The following RSRC1 variants were observed in gnomAD, a reference collection of about 807,000 sequenced individuals.
RSRC1 encodes the protein serine/Arginine-related protein 53.
Under a neutral mutation model 49.1 loss-of-function variants are expected in RSRC1, and 39 were observed. The observed-to-expected ratio is 0.79, with a 90% CI of 0.61 to 1.04. The LOEUF is 1.04. RSRC1 is among the 50% of genes least tolerant of loss of function. RSRC1 has a pLI of 0.00. For missense variants in RSRC1, 388 were observed against 402.4 expected (o/e 0.96, Z 0.31); for synonymous variants, 143 against 130.8 (o/e 1.09, Z -0.63).
chr3:158,375,932 T>C (rs1732332885), intron 6 of RSRC1, among the ~76,000 whole-genome samples: 1 of 152,198 alleles, frequency 6.6e-6, no homozygotes, highest in Non-Finnish European at 1.5e-5. Context: ...GTTCTTTCTT[T>C]AGCCATGGAT....
At chr3:158,485,143 C>T (rs1389662575) in intron 7 of RSRC1, among the ~76,000 whole-genome samples, 2 of 151,910 alleles carry the variant, frequency 1.3e-5, no homozygotes, top group Non-Finnish European at 2.9e-5. Flanking sequence ...TAATTATTTT[C>T]TCCTGGTAAC....
intron 4 of RSRC1, among the ~76,000 whole-genome samples, chr3:158,204,360 A>T (rs937984905): frequency 2.0e-5 from 3 of 152,186 alleles, no homozygotes; most frequent in Non-Finnish European, 4.4e-5. Flanking sequence ...ACATATTATT[A>T]TGTGACTTTT....
chr3:158,356,846 T>A (rs560980433), intron 6 of RSRC1, among the ~76,000 whole-genome samples: 22 of 152,278 alleles, frequency 1.4e-4, no homozygotes, highest in Admixed American at 5.2e-4. Context: ...TTCAGTTTTT[T>A]AAAAATATTT....
intron 6 of RSRC1, among the ~76,000 whole-genome samples, chr3:158,403,911 CTTGA>C (rs1249555970): frequency 6.6e-6 from 1 of 151,738 alleles, no homozygotes; most frequent in East Asian, 1.9e-4. Context: ...TATTATAAAA[CTTGA>C]TTAAGGAGCT....
rs1014004682 is a variant in RSRC1 at position 158,539,636 on chromosome 3, A to G, written c.759+2438A>G. On this transcript the variant is annotated intron_variant, in intron 8 of 9. Coordinates refer to ENST00000611884, the MANE Select transcript of RSRC1 (RefSeq NM_001271838.2). This position sits in a 1 kb window ranked among gnomAD's most constrained non-coding sequence, Gnocchi z 4.1. ...CCAGGTGGCAGCGCTACTCAAAGCC[A>G]TATATTTCATAGTAGCCATTTTGAG... is the stretch of plus-strand genomic sequence containing the variant. Among the ~76,000 whole-genome samples the G allele has an allele frequency of 1.3e-5, 2 of 152,154 alleles. No individual in the cohort carries two copies. Among genetic ancestry groups the G allele is most frequent in the Non-Finnish European group, 2.9e-5 (2 of 68,022 alleles).
rs1738270717 is a variant in RSRC1 at position 158,474,216 on chromosome 3, TC to T, written c.652+13215del. On this transcript the variant is annotated intron_variant, in intron 7 of 9. Transcript: ENST00000611884. ...GACACTGGGTTTGATTCCAGACCATTCCGATAAAGCAAATATCTCAATAAGG... is the reference window on the plus strand; with the variant it reads ...GACACTGGGTTTGATTCCAGACCATTCGATAAAGCAAATATCTCAATAAGG... 2.6e-5 allele frequency among the ~76,000 whole-genome samples: 4 copies of T among 152,274 alleles called. 1 individual carries two copies. The South Asian group carries it at 8.3e-4, about 32-fold the overall frequency.
intron 4 of RSRC1, among the ~76,000 whole-genome samples, chr3:158,234,129 T>A (rs1578225291): frequency 6.6e-6 from 1 of 152,158 alleles, no homozygotes; most frequent in East Asian, 1.9e-4. Flanking sequence ...AAAATAAGGT[T>A]GTCATATTGA....
intron 7 of RSRC1, among the ~76,000 whole-genome samples, chr3:158,516,384 G>A (rs1489104178): frequency 2.0e-5 from 3 of 152,088 alleles, no homozygotes; most frequent in Non-Finnish European, 4.4e-5. Context: ...CCCCTGCTGG[G>A]GGGTGCCTCC....
chr3:158,172,622 C>T (rs1718941873), intron 3 of RSRC1, among the ~76,000 whole-genome samples: 1 of 152,162 alleles, frequency 6.6e-6, no homozygotes, highest in African/African-American at 2.4e-5. Context: ...TGTGTTTCTT[C>T]ACATTTTCAC....
chr3:158,199,356 A>G (rs1293281802), intron 3 of RSRC1, among the ~76,000 whole-genome samples: 1 of 152,020 alleles, frequency 6.6e-6, no homozygotes, highest in Non-Finnish European at 1.5e-5. Flanking sequence ...AGTTCATGTG[A>G]TGTCTCCATC....
At chr3:158,341,438 G>A (rs1045539710) in intron 5 of RSRC1, among the ~76,000 whole-genome samples, 9 of 152,088 alleles carry the variant, frequency 5.9e-5, no homozygotes, top group African/African-American at 1.2e-4. Flanking sequence ...TGTACAGCTC[G>A]GGCTGTAGCT....
chr3:158,472,786 G>C (rs1367866002), intron 7 of RSRC1, among the ~76,000 whole-genome samples: 1 of 152,134 alleles, frequency 6.6e-6, no homozygotes, highest in Non-Finnish European at 1.5e-5. Context: ...CTCCCATTCT[G>C]TAGGTTGCCT....
chr3:158,460,835 C>G (rs1210050397), intron 6 of RSRC1, 100 bp from the exon 7 acceptor site: 1 of 598,944 alleles, frequency 1.7e-6, no homozygotes, highest in Non-Finnish European at 2.7e-6. Context: ...GTGATTACTT[C>G]GTGGAAAATA....
Position 158,482,884 on chromosome 3 carries a change from A to G in RSRC1, c.652+21881A>G, listed in dbSNP as rs181925320. Among the ~76,000 whole-genome samples the G allele has an allele frequency of 5.3e-5, 8 of 152,114 alleles. No homozygotes were observed. The East Asian group carries it at 1.3e-3, about 26-fold the overall frequency. ...TATGAGATTAGATGTTGGATGTTACATGTAATCTGCACAGAAATCAAATTA... is the reference window on the plus strand; with the variant it reads ...TATGAGATTAGATGTTGGATGTTACGTGTAATCTGCACAGAAATCAAATTA... On this transcript the variant is annotated intron_variant, in intron 7 of 9. Coordinates refer to ENST00000611884, the MANE Select transcript of RSRC1 (RefSeq NM_001271838.2).
At chr3:158,194,872 A>C (rs1398282522) in intron 3 of RSRC1, among the ~76,000 whole-genome samples, 2 of 152,116 alleles carry the variant, frequency 1.3e-5, no homozygotes, top group Admixed American at 1.3e-4. Flanking sequence ...TATATGTGCC[A>C]CATTTTCTTA....
At chr3:158,194,105 A>ACACACACACAC (rs1720404316) in intron 3 of RSRC1, among the ~76,000 whole-genome samples, 1 of 148,260 alleles carries the variant, frequency 6.7e-6, no homozygotes, top group African/African-American at 2.5e-5. Context: ...ACACACACAG[A>ACACACACACAC]AAAGAAATTA....
At chr3:158,535,907 G>T (rs1391056000) in intron 7 of RSRC1, among the ~76,000 whole-genome samples, 3 of 151,428 alleles carry the variant, frequency 2.0e-5, no homozygotes, top group African/African-American at 7.3e-5. Context: ...CACAGTCACT[G>T]AATAGTTAAT....
intron 7 of RSRC1, among the ~76,000 whole-genome samples, chr3:158,478,946 A>G (rs1738495394): frequency 8.1e-6 from 1 of 123,110 alleles, no homozygotes; most frequent in East Asian, 2.1e-4. Flanking sequence ...AAGGAGAAAA[A>G]GCAAAAAAAA....
At chr3:158,402,039 G>A (rs1270212009) in intron 6 of RSRC1, among the ~76,000 whole-genome samples, 1 of 151,778 alleles carries the variant, frequency 6.6e-6, no homozygotes, top group Non-Finnish European at 1.5e-5. Flanking sequence ...GGAAATTTAG[G>A]AAAAGTTAAT....
Sources: allele counts gnomAD v4.1 joint callset (sites outside exome capture counted in the v4.1 genomes callset), GRCh38; gene constraint gnomAD v4.1.1; non-coding constraint Gnocchi (gnomAD v3.1); transcripts MANE v1.5; gene names NCBI Gene and HGNC (gene_info 2026-07-23, HGNC 2026-07-21).